NAP1L4: variants seen among roughly 807,000 people sequenced by gnomAD.
NAP1L4 encodes nucleosome assembly protein 1 like 4.
NAP1L4 carries 15 observed loss-of-function variants against 58.2 expected under a neutral mutation model. The observed-to-expected ratio is 0.26, with a 90% CI of 0.17 to 0.40. NAP1L4 has a LOEUF of 0.40. Among genes scored for constraint, NAP1L4 ranks in the 10% least tolerant of loss-of-function variants. The probability of loss-of-function intolerance (pLI) is 1.00; values close to 1 mark genes in which losing one functional copy is unlikely to be tolerated. For missense variants in NAP1L4, 384 were observed against 451.1 expected (o/e 0.85, Z 1.35); for synonymous variants, 171 against 155.6 (o/e 1.10, Z -0.74).
chr11:2,956,079 C>T (rs1846523018), intron 10 of NAP1L4, among the ~76,000 whole-genome samples: 1 of 152,188 alleles, frequency 6.6e-6, no homozygotes, highest in African/African-American at 2.4e-5. Context: ...TGGCAAACAG[C>T]CCCCAGGCTG....
At chr11:2,981,534 A>AC (rs1462001798) in intron 1 of NAP1L4, among the ~76,000 whole-genome samples, 1 of 151,454 alleles carries the variant, frequency 6.6e-6, no homozygotes, top group African/African-American at 2.4e-5. Flanking sequence ...AGATTTAAAA[A>AC]CCCTTTAACG....
chr11:2,980,062 A>C (rs890647593), intron 1 of NAP1L4, among the ~76,000 whole-genome samples: 1 of 152,226 alleles, frequency 6.6e-6, no homozygotes, highest in Non-Finnish European at 1.5e-5. Context: ...TATACTCAGT[A>C]TTATTCCACT....
intron 3 of NAP1L4, among the ~76,000 whole-genome samples, chr11:2,977,638 CTATT>C (rs1848044968): frequency 6.6e-6 from 1 of 152,090 alleles, no homozygotes; most frequent in Non-Finnish European, 1.5e-5. Context: ...GCATGACTGT[CTATT>C]AGAGAATGGT....
At chr11:2,952,984 T>C (rs1260277518) in intron 12 of NAP1L4, among the ~76,000 whole-genome samples, 1 of 152,220 alleles carries the variant, frequency 6.6e-6, no homozygotes, top group African/African-American at 2.4e-5. Context: ...ACTGAGTCAT[T>C]GCTCTGTGCC....
chr11:2,978,233 G>C (rs1407244238), intron 3 of NAP1L4, 51 bp downstream of exon 3: 3 of 1,551,122 alleles, frequency 1.9e-6, no homozygotes, highest in Non-Finnish European at 2.7e-6. Context: ...TTTCCAGAGA[G>C]AGGAACGTTC....
In NAP1L4 at chr11:2,948,870, G is replaced by A. The variant is rs1846076129; in HGVS notation, c.*32+357C>T. Among the ~76,000 whole-genome samples, 1 of 152,216 alleles carries A rather than the reference G, an allele frequency of 6.6e-6. No homozygotes were observed. The highest frequency in any genetic ancestry group is 2.1e-4 in the South Asian group (1 of 4,830). On this transcript the variant is annotated intron_variant, in intron 15 of 15. Transcript: ENST00000380542. This position sits in a 1 kb window ranked among gnomAD's most constrained non-coding sequence, Gnocchi z 5.1. ...CTGAGCACAGCTGGGACAGCCCAGTGTGTTATGCTCTCTGCAAGGACTGCT... is the reference window on the plus strand; with the variant it reads ...CTGAGCACAGCTGGGACAGCCCAGTATGTTATGCTCTCTGCAAGGACTGCT...
Position 2,971,671 on chromosome 11 carries a change from T to C in NAP1L4, c.316-137A>G, listed in dbSNP as rs1040113614. On this transcript the variant is annotated intron_variant, in intron 5 of 15. Coordinates refer to ENST00000380542, the MANE Select transcript of NAP1L4 (RefSeq NM_005969.4). This position sits in a 1 kb window ranked among gnomAD's most constrained non-coding sequence, Gnocchi z 4.2. ...TAACTTATTTTAAGATTCTAAATTT[T>C]AGGGTTCAAAGAAAAATATTAAATG... 1.1e-5 allele frequency: 8 copies of C among 728,782 alleles called. No homozygotes were observed. In the Admixed American group the frequency reaches 1.2e-4, roughly 11 times the overall value. 45.1% of individuals were successfully genotyped at this position (728,782 alleles called of 1,614,324 possible). A position where few individuals can be genotyped will look rare whatever the true frequency, so the allele number is the denominator to read the frequency against.
In NAP1L4 at chr11:2,958,453, T is replaced by C. The variant is rs1249874730; in HGVS notation, c.838A>G (p.Ile280Val). 8.1e-6 allele frequency: 13 copies of C among 1,614,116 alleles called. No individual in the cohort carries two copies. Among genetic ancestry groups the C allele is most frequent in the Non-Finnish European group, 1.0e-5 (12 of 1,180,044 alleles). ...GACTCATTGGGTACTTGTTTCGTAA[T>C]TGTTCTAACAGTGCCTCGACCCTTA... ...KHKGRGTVRT[I>V]TKQVPNESFF... The change falls in exon 10 of 16, where the codon ATT (isoleucine) becomes GTT (valine). Residue 280 changes from isoleucine (I) to valine (V), a missense_variant. Coordinates refer to ENST00000380542, the MANE Select transcript of NAP1L4 (RefSeq NM_005969.4).
intron 8 of NAP1L4, among the ~76,000 whole-genome samples, chr11:2,962,930 T>C (rs887639615): frequency 6.6e-6 from 1 of 150,916 alleles, no homozygotes; most frequent in Non-Finnish European, 1.5e-5. Flanking sequence ...TGAAACCACG[T>C]CTCTACTAAA....
At chr11:2,989,339 T>C (rs757344584) in intron 1 of NAP1L4, 3 of 152,234 alleles carry the variant, frequency 2.0e-5, no homozygotes, top group Non-Finnish European at 4.4e-5. Flanking sequence ...AGCTCATCTC[T>C]GCTGTCTTAT....
intron 8 of NAP1L4, 116 bp from the exon 9 acceptor site, chr11:2,960,025 C>T: frequency 2.8e-6 from 3 of 1,089,194 alleles, no homozygotes; most frequent in South Asian, 3.3e-5. Flanking sequence ...ACAGATAGGG[C>T]CATGAACAAG....
At chr11:2,962,906 C>T (rs1427756897) in intron 8 of NAP1L4, among the ~76,000 whole-genome samples, 1 of 151,714 alleles carries the variant, frequency 6.6e-6, no homozygotes, top group Non-Finnish European at 1.5e-5. Flanking sequence ...TTGAGACCAT[C>T]CTGGCCAACA....
rs529688656 is a variant in NAP1L4 at position 2,946,287 on chromosome 11, G to A, written c.*33-641C>T. Among the ~76,000 whole-genome samples, 2 of 152,148 alleles carry A rather than the reference G, an allele frequency of 1.3e-5. No individual in the cohort carries two copies. The highest frequency in any genetic ancestry group is 3.9e-4 in the East Asian group (2 of 5,182). Reference sequence around the variant, plus strand: ...TCACTCTCCTAACAGTCTCACCAAGGGGCAATGCTATCCTTCCAGTAACGG... The same window carrying A: ...TCACTCTCCTAACAGTCTCACCAAGAGGCAATGCTATCCTTCCAGTAACGG... On this transcript the variant is annotated intron_variant, in intron 15 of 15. Coordinates refer to ENST00000380542, the MANE Select transcript of NAP1L4 (RefSeq NM_005969.4). This position sits in a 1 kb window ranked among gnomAD's most constrained non-coding sequence, Gnocchi z 4.8.
At chr11:2,964,973 A>T (rs1330811933) in intron 7 of NAP1L4, among the ~76,000 whole-genome samples, 1 of 149,956 alleles carries the variant, frequency 6.7e-6, no homozygotes, top group Non-Finnish European at 1.5e-5. Flanking sequence ...AGTGTGGAGC[A>T]ACGGTGGCTG....
At chr11:2,974,130 G>T (rs1365992701) in intron 4 of NAP1L4, among the ~76,000 whole-genome samples, 4 of 152,078 alleles carry the variant, frequency 2.6e-5, no homozygotes, top group African/African-American at 7.2e-5. Context: ...AATGACAAAG[G>T]ATTTTTTTTT....
intron 1 of NAP1L4, among the ~76,000 whole-genome samples, chr11:2,980,019 AG>A: frequency 6.6e-6 from 1 of 152,224 alleles, no homozygotes. Context: ...TTCTACACTG[AG>A]GATGTATTGC....
chr11:2,982,440 T>C (rs1848376927), intron 1 of NAP1L4, among the ~76,000 whole-genome samples: 1 of 152,164 alleles, frequency 6.6e-6, no homozygotes, highest in Non-Finnish European at 1.5e-5. Context: ...CATCACCCTA[T>C]CAGTAACACC....
At chr11:2,975,090 C>T (rs986548255) in intron 4 of NAP1L4, among the ~76,000 whole-genome samples, 4 of 151,744 alleles carry the variant, frequency 2.6e-5, no homozygotes, top group Admixed American at 6.6e-5. Flanking sequence ...GAAGGTGGGG[C>T]CTCCTGGGAG....
rs557950120 is a variant in NAP1L4, at chr11:2,960,217, T to C, written c.607-308A>G. The C allele has an allele frequency of 1.7e-5, 5 of 286,336 alleles. No individual in the cohort carries two copies. The East Asian group carries it at 3.8e-4, about 22-fold the overall frequency. The allele number at this position is 286,336 out of a possible 1,614,324, so 17.7% of individuals were successfully genotyped here. A position where few individuals can be genotyped will look rare whatever the true frequency, so the allele number is the denominator to read the frequency against. On this transcript the variant is annotated intron_variant, in intron 8 of 15. Transcript: ENST00000380542. Reference sequence around the variant, plus strand: ...CTCTTAGCTGCTCCCAGCCCTTGCTTCCTGGAAGGAGGGAAGGTGACTAGG... The same window carrying C: ...CTCTTAGCTGCTCCCAGCCCTTGCTCCCTGGAAGGAGGGAAGGTGACTAGG...
Sources: allele counts gnomAD v4.1 joint callset (sites outside exome capture counted in the v4.1 genomes callset), GRCh38; gene constraint gnomAD v4.1.1; non-coding constraint Gnocchi (gnomAD v3.1); transcripts MANE v1.5; gene names NCBI Gene and HGNC (gene_info 2026-07-23, HGNC 2026-07-21).